SPIDR: variants seen among roughly 807,000 people sequenced by gnomAD.
SPIDR encodes the protein scaffold protein involved in DNA repair.
A neutral mutation model predicts 104.6 loss-of-function variants in SPIDR; 93 were observed. The observed-to-expected ratio is 0.89, with a 90% confidence interval of 0.75 to 1.06. The LOEUF (loss-of-function observed/expected upper bound fraction) is 1.06, where lower values mean the gene tolerates loss of function less well. Among genes scored for constraint, SPIDR ranks in the 50% least tolerant of loss-of-function variants. The pLI is 0.00. For synonymous variants in SPIDR, 431 were observed against 416.9 expected (o/e 1.03, Z -0.41); for missense variants, 1,154 against 1,111.2 (o/e 1.04, Z -0.55).
chr8:47,480,233 T>G (rs1483609188), intron 8 of SPIDR, among the ~76,000 whole-genome samples: 1 of 152,168 alleles, frequency 6.6e-6, no homozygotes, highest in Non-Finnish European at 1.5e-5. Context: ...CAAGATGGAT[T>G]TAATGTCTAA....
intron 11 of SPIDR, among the ~76,000 whole-genome samples, chr8:47,674,278 A>G (rs148925445): frequency 1.6e-4 from 25 of 152,322 alleles, no homozygotes; most frequent in African/African-American, 5.8e-4. Flanking sequence ...GGTTGTGTAA[A>G]TGAAAATCTA....
chr8:47,549,377 G>T (rs561855234), intron 8 of SPIDR, among the ~76,000 whole-genome samples: 2 of 152,288 alleles, frequency 1.3e-5, no homozygotes, highest in South Asian at 4.1e-4. Flanking sequence ...CTAGTTTACA[G>T]TCCCACCAAC....
chr8:47,362,620 A>T (rs187029305), intron 5 of SPIDR, among the ~76,000 whole-genome samples: 2 of 152,342 alleles, frequency 1.3e-5, no homozygotes, highest in African/African-American at 4.8e-5. Flanking sequence ...AAGAGAAGGA[A>T]TGAACACTCA....
At chr8:47,580,858 C>G (rs2059634911) in intron 8 of SPIDR, among the ~76,000 whole-genome samples, 1 of 152,050 alleles carries the variant, frequency 6.6e-6, no homozygotes, top group Admixed American at 6.5e-5. Context: ...TGTGAAGTAC[C>G]TAATAAAAAA....
intron 4 of SPIDR, among the ~76,000 whole-genome samples, chr8:47,291,462 A>G (rs1741090109): frequency 6.6e-6 from 1 of 152,204 alleles, no homozygotes; most frequent in East Asian, 1.9e-4. Flanking sequence ...AAGACTAAAC[A>G]TGCAATTACC....
intron 8 of SPIDR, among the ~76,000 whole-genome samples, chr8:47,521,583 C>G (rs911407577): frequency 4.6e-5 from 7 of 151,620 alleles, no homozygotes; most frequent in African/African-American, 1.7e-4. Flanking sequence ...ACCACCATGC[C>G]CAGCTAATTT....
At chr8:47,323,202 T>C (rs1344101592) in intron 5 of SPIDR, among the ~76,000 whole-genome samples, 3 of 152,182 alleles carry the variant, frequency 2.0e-5, no homozygotes, top group Non-Finnish European at 4.4e-5. Context: ...TGGTGATGTA[T>C]ATATTGGTTT....
intron 1 of SPIDR, among the ~76,000 whole-genome samples, chr8:47,266,613 T>C (rs2034113830): frequency 6.6e-6 from 1 of 152,244 alleles, no homozygotes; most frequent in African/African-American, 2.4e-5. Context: ...TTCATTTCTC[T>C]GAGATAAATG....
Position 47,729,006 on chromosome 8 carries a change from C to T in SPIDR, c.2509C>T (p.Leu837=). 6.2e-7 allele frequency: 1 copy of T among 1,613,994 alleles called. No homozygotes were observed. Among genetic ancestry groups the T allele is most frequent in the Non-Finnish European group, 8.5e-7 (1 of 1,180,032 alleles). The change falls in exon 18 of 20, where the codon CTG becomes TTG. Residue 837 remains leucine, a synonymous_variant. Coordinates refer to ENST00000297423, the MANE Select transcript of SPIDR (RefSeq NM_001080394.4). ...TCTCAAGAGGCACCTGCAGGTCTTC[C>T]TGGACTGCCGCTCAAGACCGCAGTG... is the stretch of plus-strand genomic sequence containing the variant. ...PVLKRHLQVF[L]DCRSRPQCRV...
chr8:47,632,588 T>A (rs912866846), intron 10 of SPIDR, among the ~76,000 whole-genome samples: 1 of 152,240 alleles, frequency 6.6e-6, no homozygotes, highest in Admixed American at 6.5e-5. Flanking sequence ...TTTTTTGCTC[T>A]TAGCCAAAGA....
chr8:47,387,997 C>G (rs1353593561), intron 5 of SPIDR, among the ~76,000 whole-genome samples: 1 of 152,204 alleles, frequency 6.6e-6, no homozygotes, highest in African/African-American at 2.4e-5. Flanking sequence ...TCTAAACTCT[C>G]AGTTGTCTAG....
Position 47,386,898 on chromosome 8 carries a change from GAGAGAGATATAGATATAGATAT to G in SPIDR, c.526-9474_526-9453del, listed in dbSNP as rs1190027169. 5.6e-4 allele frequency among the ~76,000 whole-genome samples: 44 copies of G among 78,570 alleles called. 1 individual carries two copies. Among genetic ancestry groups the G allele is most frequent in the East Asian group, 2.4e-3 (5 of 2,102 alleles). 51.5% of individuals were successfully genotyped at this position (78,570 alleles called of 152,430 possible). On this transcript the variant is annotated intron_variant, in intron 5 of 19. Coordinates refer to ENST00000297423, the MANE Select transcript of SPIDR (RefSeq NM_001080394.4). Reference sequence around the variant, plus strand: ...GAGGGGAGAGAGAGAGAGAAAGAGAGAGAGAGATATAGATATAGATATAGATATAGATATAGATATAGATATA... The same window carrying G: ...GAGGGGAGAGAGAGAGAGAAAGAGAGAGATATAGATATAGATATAGATATA...
At chr8:47,453,515 A>G (rs543643963) in intron 8 of SPIDR, among the ~76,000 whole-genome samples, 14 of 152,336 alleles carry the variant, frequency 9.2e-5, no homozygotes, top group African/African-American at 2.9e-4. Flanking sequence ...GTACCAAAAC[A>G]GAGATACAGA....
At chr8:47,612,850 C>T (rs1305937882) in intron 10 of SPIDR, among the ~76,000 whole-genome samples, 1 of 152,208 alleles carries the variant, frequency 6.6e-6, no homozygotes, top group East Asian at 1.9e-4. Flanking sequence ...CCGCTTTATA[C>T]ACTACCTGGA....
At chr8:47,621,553 C>T (rs1418008051) in intron 10 of SPIDR, among the ~76,000 whole-genome samples, 2 of 152,188 alleles carry the variant, frequency 1.3e-5, no homozygotes, top group East Asian at 1.9e-4. Context: ...GGGGCTCTGC[C>T]CTTTCTTGCC....
rs2082455501 is a variant in SPIDR, at chr8:47,512,303, T to G, written c.1097+71761T>G. Among the ~76,000 whole-genome samples the G allele has an allele frequency of 2.6e-5, 4 of 152,276 alleles. No homozygotes were observed. In the South Asian group the frequency reaches 8.3e-4, roughly 32 times the overall value. ...GTGCTAGCTGAAACCCAAACTCTTG[T>G]GTTGTTCGTCTCACCCTGTCTACAC... is the stretch of plus-strand genomic sequence containing the variant. On this transcript the variant is annotated intron_variant, in intron 8 of 19. Transcript: ENST00000297423.
intron 8 of SPIDR, among the ~76,000 whole-genome samples, chr8:47,572,460 G>A (rs937657251): frequency 5.3e-5 from 8 of 152,084 alleles, no homozygotes; most frequent in African/African-American, 1.9e-4. Context: ...TGAAAAGATC[G>A]AGACCATCCT....
chr8:47,403,496 A>C (rs537590673), intron 6 of SPIDR, among the ~76,000 whole-genome samples: 3 of 152,300 alleles, frequency 2.0e-5, no homozygotes, highest in East Asian at 1.9e-4. Context: ...TGATAAGCAA[A>C]TTCAGCAAAG....
intron 5 of SPIDR, among the ~76,000 whole-genome samples, chr8:47,345,134 T>G (rs535676173): frequency 6.6e-6 from 1 of 152,342 alleles, no homozygotes; most frequent in African/African-American, 2.4e-5. Context: ...TGAAATAATT[T>G]TTATATAAGG....
Sources: gnomAD v4.1 joint callset for allele counts (sites outside exome capture counted in the v4.1 genomes callset) on GRCh38, gnomAD v4.1.1 for gene constraint, MANE v1.5 for transcripts, NCBI Gene and HGNC (gene_info 2026-07-23, HGNC 2026-07-21) for gene names.